The following SORCS2 variants were observed in gnomAD, a reference collection of about 807,000 sequenced individuals.
The protein encoded by SORCS2 is VPS10 domain-containing receptor SorCS2.
In SORCS2, 100 loss-of-function variants were observed where a neutral mutation model predicts 141.6. The ratio of observed to expected loss-of-function variants is 0.71; its 90% confidence interval spans 0.60 to 0.83. The LOEUF is 0.83. Among genes scored for constraint, SORCS2 ranks in the 40% least tolerant of loss-of-function variants. The probability of loss-of-function intolerance (pLI) is 0.00; values close to 1 mark genes in which losing one functional copy is unlikely to be tolerated. For synonymous variants in SORCS2, 789 were observed against 676.9 expected (o/e 1.17, Z -2.57); for missense variants, 1,646 against 1,560.2 (o/e 1.05, Z -0.93).
At chr4:7,491,506 A>T (rs1363651953) in intron 2 of SORCS2, among the ~76,000 whole-genome samples, 1 of 152,216 alleles carries the variant, frequency 6.6e-6, no homozygotes, top group Non-Finnish European at 1.5e-5. Context: ...TGGCGTAAGC[A>T]GCTGCTCATT....
intron 1 of SORCS2, among the ~76,000 whole-genome samples, chr4:7,241,582 G>A (rs1334584721): frequency 6.6e-6 from 1 of 152,146 alleles, no homozygotes; most frequent in Non-Finnish European, 1.5e-5. Context: ...GCCCCTCCCT[G>A]CCCTTCTGGG....
At chr4:7,395,511 C>CCGGTGCAT (rs1403083679) in intron 1 of SORCS2, among the ~76,000 whole-genome samples, 1 of 152,158 alleles carries the variant, frequency 6.6e-6, no homozygotes, top group Non-Finnish European at 1.5e-5. Flanking sequence ...CCCATCAGGG[C>CCGGTGCAT]CGGTGCATCC....
At chr4:7,380,823 C>T (rs576668274) in intron 1 of SORCS2, among the ~76,000 whole-genome samples, 6 of 152,342 alleles carry the variant, frequency 3.9e-5, no homozygotes, top group East Asian at 1.9e-4. Context: ...CGGTGGCTCA[C>T]GCCTGTAATC....
rs1229433555 is a variant in SORCS2 at position 7,565,998 on chromosome 4, ATGATGGTGATAATGATG to A, written c.648+34370_648+34386del. On this transcript the variant is annotated intron_variant, in intron 3 of 26. Transcript: ENST00000507866. ...GATGGTGATGATAATGGTAATGGTGATGATGGTGATAATGATGGTGATGATGGTGATAATGATAGTGA... is the reference window on the plus strand; with the variant it reads ...GATGGTGATGATAATGGTAATGGTGAGTGATGATGGTGATAATGATAGTGA... Among the ~76,000 whole-genome samples, 4 of 2,080 alleles carry A rather than the reference ATGATGGTGATAATGATG, an allele frequency of 1.9e-3. No homozygotes were observed. In the South Asian group the frequency reaches 0.059, roughly 31 times the overall value. 1.4% of individuals were successfully genotyped at this position (2,080 alleles called of 152,430 possible).
chr4:7,331,808 C>T (rs1199375860), intron 1 of SORCS2, among the ~76,000 whole-genome samples: 3 of 152,176 alleles, frequency 2.0e-5, no homozygotes, highest in African/African-American at 7.2e-5. Context: ...CTCCTGTGAG[C>T]CCTGGACCCC....
intron 22 of SORCS2, among the ~76,000 whole-genome samples, chr4:7,728,769 T>C (rs1286166670): frequency 6.6e-6 from 1 of 152,202 alleles, no homozygotes; most frequent in Non-Finnish European, 1.5e-5. Flanking sequence ...CCTCCAGTGC[T>C]CCAGAGTCTC....
At chr4:7,640,290 A>G (rs1319684527) in intron 4 of SORCS2, among the ~76,000 whole-genome samples, 2 of 133,604 alleles carry the variant, frequency 1.5e-5, no homozygotes, top group African/African-American at 3.0e-5. Flanking sequence ...GTGTGTGAGC[A>G]TGTGAGTCTA....
chr4:7,736,602 G>T (rs540327805), intron 25 of SORCS2, among the ~76,000 whole-genome samples: 1 of 152,150 alleles, frequency 6.6e-6, no homozygotes, highest in Non-Finnish European at 1.5e-5. Flanking sequence ...CCCTTTCCTC[G>T]CTGGGAAATC....
chr4:7,735,144 A>T (rs1712062770), intron 25 of SORCS2, among the ~76,000 whole-genome samples: 1 of 152,224 alleles, frequency 6.6e-6, no homozygotes, highest in Non-Finnish European at 1.5e-5. Context: ...CCTTCCCTGC[A>T]AACGCAGCTC....
At chr4:7,619,137 C>A (rs1181556143) in intron 3 of SORCS2, among the ~76,000 whole-genome samples, 1 of 152,226 alleles carries the variant, frequency 6.6e-6, no homozygotes, top group Non-Finnish European at 1.5e-5. Flanking sequence ...TATCACCCCT[C>A]TCGAGGGTCA....
At chr4:7,465,967 G>C (rs147120783) in intron 2 of SORCS2, among the ~76,000 whole-genome samples, 1 of 152,102 alleles carries the variant, frequency 6.6e-6, no homozygotes, top group Non-Finnish European at 1.5e-5. Flanking sequence ...TGGGGCAGGG[G>C]CAGGGCCAGG....
intron 3 of SORCS2, among the ~76,000 whole-genome samples, chr4:7,547,788 A>G (rs572441498): frequency 1.3e-5 from 2 of 152,334 alleles, no homozygotes; most frequent in African/African-American, 4.8e-5. Context: ...CTTACCCCAC[A>G]GATGCACCCC....
At chr4:7,215,527 G>A (rs1285958320) in intron 1 of SORCS2, among the ~76,000 whole-genome samples, 9 of 152,246 alleles carry the variant, frequency 5.9e-5, no homozygotes, top group East Asian at 3.9e-4. Flanking sequence ...GCATGGCGCC[G>A]GACTGGCAGG....
At chr4:7,456,943 ACGCAG>A (rs1728950614) in intron 2 of SORCS2, among the ~76,000 whole-genome samples, 2 of 151,366 alleles carry the variant, frequency 1.3e-5, no homozygotes, top group African/African-American at 4.8e-5. Context: ...GGTTGGGTGC[ACGCAG>A]CCACCTCCAG....
chr4:7,301,075 C>T (rs1450684170), intron 1 of SORCS2, among the ~76,000 whole-genome samples: 1 of 152,158 alleles, frequency 6.6e-6, no homozygotes, highest in African/African-American at 2.4e-5. Context: ...TGGGCCCCAT[C>T]TTCTCCTTGT....
rs1560498660 is a variant in SORCS2 at position 7,706,145 on chromosome 4, AGAAGAGGCTGGGCTCCGTCTGGGCAGG to A, written c.1868+1864_1868+1890del. 2.5e-4 allele frequency among the ~76,000 whole-genome samples: 17 copies of A among 68,268 alleles called. 2 individuals carry two copies. The highest frequency in any genetic ancestry group is 5.1e-4 in the African/African-American group (9 of 17,554). The allele number at this position is 68,268 out of a possible 152,430, so 44.8% of individuals were successfully genotyped here. ...ATGAGGCTGGGCTCCGCCTGGACAG[AGAAGAGGCTGGGCTCCGTCTGGGCAGG>A]GATGAGGCTGGGCTCCGTCTGGGCA... On this transcript the variant is annotated intron_variant, in intron 14 of 26. Transcript: ENST00000507866.
intron 1 of SORCS2, among the ~76,000 whole-genome samples, chr4:7,249,978 G>A (rs62289737): frequency 0.089 from 13,567 of 152,142 alleles, 766 homozygotes; most frequent in African/African-American, 0.16. Context: ...GCGGTGGCTC[G>A]TGCTTGTAAT....
intron 26 of SORCS2, among the ~76,000 whole-genome samples, 169 bp from the exon 27 acceptor site, chr4:7,740,031 C>T (rs1239037897): frequency 6.6e-6 from 1 of 152,112 alleles, no homozygotes; most frequent in Non-Finnish European, 1.5e-5. Context: ...CTCAGGCACC[C>T]ACCTAGGAAC....
rs1444894729 is a variant in SORCS2 at position 7,648,408 on chromosome 4, A to G, written c.814-5726A>G. On this transcript the variant is annotated intron_variant, in intron 4 of 26. Coordinates refer to ENST00000507866, the MANE Select transcript of SORCS2 (RefSeq NM_020777.3). This position sits in a 1 kb window ranked among gnomAD's most constrained non-coding sequence, Gnocchi z 4.2. ...TCCTGGAAGGGGGATGTGTGGCATGAGCCTCAGAGTAGGCCTGATGTCACC... is the reference window on the plus strand; with the variant it reads ...TCCTGGAAGGGGGATGTGTGGCATGGGCCTCAGAGTAGGCCTGATGTCACC... Among the ~76,000 whole-genome samples, 1 of 152,118 alleles carries G rather than the reference A, an allele frequency of 6.6e-6. No homozygotes were observed. The highest frequency in any genetic ancestry group is 1.5e-5 in the Non-Finnish European group (1 of 68,018).
Sources: allele counts gnomAD v4.1 joint callset (sites outside exome capture counted in the v4.1 genomes callset), GRCh38; gene constraint gnomAD v4.1.1; non-coding constraint Gnocchi (gnomAD v3.1); transcripts MANE v1.5; gene names NCBI Gene and HGNC (gene_info 2026-07-23, HGNC 2026-07-21).